Variants in PAICS observed in about 807,000 individuals in gnomAD.
The protein encoded by PAICS is bifunctional phosphoribosylaminoimidazole carboxylase/phosphoribosylaminoimidazole succinocarboxamide synthetase.
Under a neutral mutation model 53.7 loss-of-function variants are expected in PAICS, and 33 were observed. That is an observed-to-expected ratio of 0.61 (90% CI 0.47 to 0.82). The LOEUF is 0.82. Ranked by LOEUF, PAICS falls within the 40% of genes least tolerant of loss-of-function variation. The probability of loss-of-function intolerance (pLI) is 0.00; values close to 1 mark genes in which losing one functional copy is unlikely to be tolerated. For synonymous variants in PAICS, 141 were observed against 167.2 expected (o/e 0.84, Z 1.21); for missense variants, 394 against 494.1 (o/e 0.80, Z 1.92).
upstream of PAICS, chr4:56,436,028 G>T (rs1717913464): frequency 3.3e-6 from 5 of 1,521,276 alleles, no homozygotes; most frequent in Admixed American, 3.7e-5. Flanking sequence ...GCCACTTTTC[G>T]CCTGTCCGGG....
chr4:56,436,375 GC>G (rs746254840), intron 1 of PAICS, 47 bp downstream of exon 1: 164 of 1,420,476 alleles, frequency 1.2e-4, no homozygotes, highest in Non-Finnish European at 1.5e-4. Flanking sequence ...TGACCCCCAG[GC>G]CGTGAGCTCG....
At chr4:56,449,978 A>AC (rs1041638782) in intron 5 of PAICS, among the ~76,000 whole-genome samples, 4 of 149,078 alleles carry the variant, frequency 2.7e-5, no homozygotes, top group African/African-American at 1.0e-4. Flanking sequence ...CTGTCTCCAA[A>AC]AAAAAAAAAA....
intron 1 of PAICS, among the ~76,000 whole-genome samples, chr4:56,437,857 A>G (rs1015854746): frequency 3.4e-5 from 5 of 148,006 alleles, no homozygotes; most frequent in Non-Finnish European, 7.4e-5. Context: ...CTGTAGACTC[A>G]GCAAAAAAGA....
chr4:56,426,947 CT>C, the PAICS span, among the ~76,000 whole-genome samples: 1 of 152,180 alleles, frequency 6.6e-6, no homozygotes, highest in South Asian at 2.1e-4. Flanking sequence ...TCCTTTCCAT[CT>C]TTGTGAATTT....
intron 1 of PAICS, among the ~76,000 whole-genome samples, chr4:56,438,371 T>TTTTATATA (rs869127756): frequency 3.5e-5 from 4 of 113,636 alleles, no homozygotes; most frequent in African/African-American, 9.1e-5. Context: ...TGCAATGTGT[T>TTTTATATA]TATATATATA....
At chr4:56,417,050 T>A in the PAICS span, among the ~76,000 whole-genome samples, 3 of 152,174 alleles carry the variant, frequency 2.0e-5, no homozygotes, top group Non-Finnish European at 4.4e-5. Flanking sequence ...GGTTTCACCA[T>A]GTTAGCCAGG....
At chr4:56,453,206 T>G (rs909522990) in intron 7 of PAICS, among the ~76,000 whole-genome samples, 1 of 152,192 alleles carries the variant, frequency 6.6e-6, no homozygotes, top group Non-Finnish European at 1.5e-5. Context: ...TAGTTTATAT[T>G]AACTGGTTCT....
the PAICS span, among the ~76,000 whole-genome samples, chr4:56,427,119 A>G: frequency 1.3e-5 from 2 of 152,226 alleles, no homozygotes; most frequent in African/African-American, 4.8e-5. Flanking sequence ...CATTTTGTTT[A>G]TTCATCCATC....
intron 3 of PAICS, 96 bp from the exon 4 acceptor site, chr4:56,448,322 A>T (rs1718722333): frequency 2.4e-6 from 2 of 835,600 alleles, no homozygotes; most frequent in Non-Finnish European, 1.8e-6. Context: ...AAAATTTCTA[A>T]GGAGTTCATG....
intron 1 of PAICS, among the ~76,000 whole-genome samples, chr4:56,440,526 C>T (rs1560657498): frequency 6.6e-6 from 1 of 152,174 alleles, no homozygotes; most frequent in Non-Finnish European, 1.5e-5. Flanking sequence ...TACATATACC[C>T]AGAGCTCCAG....
chr4:56,445,672 T>G (rs1028053810), intron 2 of PAICS, among the ~76,000 whole-genome samples: 14 of 152,172 alleles, frequency 9.2e-5, no homozygotes, highest in Non-Finnish European at 1.5e-5. Flanking sequence ...CAGTGGAGGA[T>G]TTCCATAAAT....
In PAICS at chr4:56,449,905, G is replaced by T. The variant is rs534078771; in HGVS notation, c.688-714G>T. 5.3e-5 allele frequency among the ~76,000 whole-genome samples: 8 copies of T among 151,732 alleles called. No homozygotes were observed. The South Asian group carries it at 6.3e-4, about 12-fold the overall frequency. On this transcript the variant is annotated intron_variant, in intron 5 of 8. Transcript: ENST00000512576. Reference sequence around the variant, plus strand: ...GCAGAGAATTGTTTGAACCCGGGAGGTGGAGGTTGCAGTGAGCCGAGATTG... The same window carrying T: ...GCAGAGAATTGTTTGAACCCGGGAGTTGGAGGTTGCAGTGAGCCGAGATTG...
At chr4:56,429,901 C>A in the PAICS span, among the ~76,000 whole-genome samples, 5 of 152,130 alleles carry the variant, frequency 3.3e-5, no homozygotes, top group Non-Finnish European at 5.9e-5. Flanking sequence ...ATGAGATTCA[C>A]CCATGACTTT....
chr4:56,422,884 T>C, the PAICS span: 1 of 152,204 alleles, frequency 6.6e-6, no homozygotes, highest in Non-Finnish European at 1.5e-5. Flanking sequence ...GAGAACTTAC[T>C]CAAAATGCAA....
At chr4:56,430,046 A>C in the PAICS span, among the ~76,000 whole-genome samples, 3 of 152,132 alleles carry the variant, frequency 2.0e-5, no homozygotes, top group Non-Finnish European at 4.4e-5. Flanking sequence ...GGATCACTTG[A>C]ACTCAGGAGT....
the PAICS span, chr4:56,422,001 TGG>T: frequency 6.6e-6 from 1 of 152,276 alleles, no homozygotes; most frequent in Non-Finnish European, 1.5e-5. Context: ...CCAGGCGTTG[TGG>T]CTCATGCCTC....
the PAICS span, among the ~76,000 whole-genome samples, chr4:56,413,831 A>C: frequency 6.6e-6 from 1 of 152,126 alleles, no homozygotes; most frequent in Non-Finnish European, 1.5e-5. Context: ...CAGGAAGCAA[A>C]AGTTGCAGTG....
chr4:56,428,554 A>G, the PAICS span, among the ~76,000 whole-genome samples: 2 of 152,196 alleles, frequency 1.3e-5, no homozygotes, highest in Non-Finnish European at 2.9e-5. Flanking sequence ...GATTTTATGA[A>G]GAAGTTGACT....
chr4:56,444,427 G>A (rs1263931123), intron 2 of PAICS, among the ~76,000 whole-genome samples: 1 of 151,986 alleles, frequency 6.6e-6, no homozygotes, highest in Non-Finnish European at 1.5e-5. Context: ...TATGAAGAAC[G>A]GTACTACAGT....
Sources: gnomAD v4.1 joint callset for allele counts (sites outside exome capture counted in the v4.1 genomes callset) on GRCh38, gnomAD v4.1.1 for gene constraint, MANE v1.5 for transcripts, NCBI Gene and HGNC (gene_info 2026-07-23, HGNC 2026-07-21) for gene names.